The following SMTNL2 variants were observed in gnomAD, a reference collection of about 807,000 sequenced individuals.
The protein encoded by SMTNL2 is smoothelin like 2, also known as smoothelin-like protein 2.
SMTNL2 carries 43 observed loss-of-function variants against 44.1 expected under a neutral mutation model. The ratio of observed to expected loss-of-function variants is 0.98; its 90% confidence interval spans 0.76 to 1.26. The LOEUF (loss-of-function observed/expected upper bound fraction) is 1.26. Among genes scored for constraint, SMTNL2 ranks in the 50% most tolerant of loss-of-function variants. The pLI, the probability that SMTNL2 is intolerant of heterozygous loss-of-function variation, is 0.00. For synonymous variants in SMTNL2, 317 were observed against 287.6 expected (o/e 1.10, Z -1.03); for missense variants, 646 against 670.2 (o/e 0.96, Z 0.40).
chr17:4,589,433 C>T (rs1434784809), intron 1 of SMTNL2, among the ~76,000 whole-genome samples: 1 of 152,124 alleles, frequency 6.6e-6, no homozygotes, highest in African/African-American at 2.4e-5. Context: ...CTCCCCCTGC[C>T]GACATGGTCT....
chr17:4,594,501 T>C (rs1909723132), intron 4 of SMTNL2, among the ~76,000 whole-genome samples: 2 of 151,550 alleles, frequency 1.3e-5, no homozygotes, highest in African/African-American at 4.9e-5. Flanking sequence ...CAAAAAAATA[T>C]TGGAGGAGGC....
At position 4,596,856 on chromosome 17, in the gene SMTNL2, G is replaced by C; in HGVS notation, c.990-4G>C. On this transcript the variant is annotated splice_polypyrimidine_tract_variant and splice_region_variant and intron_variant, in intron 5 of 7. Transcript: ENST00000389313. Reference sequence around the variant, plus strand: ...CCCGCAGCAGGCCTGCCGTCTCTCCGCAGGGGGAAAGGCGAGGCCCGGGCC... The same window carrying C: ...CCCGCAGCAGGCCTGCCGTCTCTCCCCAGGGGGAAAGGCGAGGCCCGGGCC... 6.9e-7 allele frequency: 1 copy of C among 1,457,058 alleles called. No individual in the cohort carries two copies. Among genetic ancestry groups the C allele is most frequent in the South Asian group, 1.4e-5 (1 of 73,136 alleles). 90.3% of individuals were successfully genotyped at this position (1,457,058 alleles called of 1,614,324 possible).
At chr17:4,597,679 T>C (rs1225246340) in intron 7 of SMTNL2, among the ~76,000 whole-genome samples, 1 of 152,220 alleles carries the variant, frequency 6.6e-6, no homozygotes, top group Non-Finnish European at 1.5e-5. Flanking sequence ...CTCTCTGGAC[T>C]GATGGAGAGA....
chr17:4,604,121 A>G (rs1838362905), intron 7 of SMTNL2, among the ~76,000 whole-genome samples: 1 of 152,206 alleles, frequency 6.6e-6, no homozygotes, highest in African/African-American at 2.4e-5. Context: ...TTGGGATGAC[A>G]GGCATGAGCC....
Position 4,607,395 on chromosome 17 carries a change from G to A in SMTNL2, c.1294G>A (p.Glu432Lys), listed in dbSNP as rs748514134. 1.2e-6 allele frequency: 2 copies of A among 1,614,184 alleles called. No homozygotes were observed. Among genetic ancestry groups the A allele is most frequent in the Non-Finnish European group, 8.5e-7 (1 of 1,180,030 alleles). Residue 432 changes from glutamate to lysine, a missense_variant, in exon 8 of 8, where the codon GAG becomes AAG. Glu to Lys is a moderately conservative substitution (Grantham distance 56, BLOSUM62 1). Coordinates refer to ENST00000389313, the MANE Select transcript of SMTNL2 (RefSeq NM_001114974.2). This position sits in a 1 kb window ranked among gnomAD's most constrained non-coding sequence, Gnocchi z 4.7. The stretch of plus-strand genomic sequence containing the variant: ...CAACTGTGAGCGCCTCATCGAAGTG[G>A]AGGACATGATGGTGATGGGCCGCAA... The part of the protein sequence containing the change: ...LANCERLIEV[E>K]DMMVMGRKPD...
Position 4,596,919 on chromosome 17 carries a change from C to T in SMTNL2, c.1049C>T (p.Ala350Val). The change falls in exon 6 of 8, where the codon GCC (alanine) becomes GTC (valine). Residue 350 changes from alanine (A) to valine (V), a missense_variant. Coordinates refer to ENST00000389313, the MANE Select transcript of SMTNL2 (RefSeq NM_001114974.2). ...KRSQSFGVAS[A>V]SSIKQILLEW... Reference sequence around the variant, plus strand: ...TCGCAGAGCTTCGGCGTGGCCAGCGCCAGCAGCATCAAGCAGATCCTGCTC... The same window carrying T: ...TCGCAGAGCTTCGGCGTGGCCAGCGTCAGCAGCATCAAGCAGATCCTGCTC... 6.6e-7 allele frequency: 1 copy of T among 1,525,844 alleles called. No homozygotes were observed. Among genetic ancestry groups the T allele is most frequent in the Non-Finnish European group, 8.8e-7 (1 of 1,130,842 alleles). 94.5% of individuals were successfully genotyped at this position (1,525,844 alleles called of 1,614,324 possible).
intron 7 of SMTNL2, among the ~76,000 whole-genome samples, chr17:4,599,820 T>A (rs1909954421): frequency 6.6e-6 from 1 of 152,110 alleles, no homozygotes; most frequent in South Asian, 2.1e-4. Context: ...CCCAGCTTGG[T>A]GGGGTGATGG....
rs1442886976 is a variant in SMTNL2, at chr17:4,597,275, G to T, written c.1211G>T (p.Ser404Ile). Reference protein sequence around the residue: ...FPDAFDYNSLSPTQRQKNFEL... With the variant: ...FPDAFDYNSLIPTQRQKNFEL... The stretch of plus-strand genomic sequence containing the variant: ...GATGCCTTTGACTACAACTCCCTGA[G>T]CCCCACGCAGAGGCAGAAGAACTTC... The change falls in exon 7 of 8, where the codon AGC becomes ATC. Residue 404 changes from serine (S) to isoleucine (I), a missense_variant. Coordinates refer to ENST00000389313, the MANE Select transcript of SMTNL2 (RefSeq NM_001114974.2). The T allele has an allele frequency of 1.2e-6, 2 of 1,614,024 alleles. No individual in the cohort carries two copies. The highest frequency in any genetic ancestry group is 1.7e-6 in the Non-Finnish European group (2 of 1,180,012).
rs146654961 is a variant in SMTNL2 at position 4,598,150 on chromosome 17, G to A, written c.1259+827G>A. ...CGGAGGACTGTCTGATAAGAGCTGCGCTTTGGGCAAATGGTTGCAGTCAGC... is the reference window on the plus strand; with the variant it reads ...CGGAGGACTGTCTGATAAGAGCTGCACTTTGGGCAAATGGTTGCAGTCAGC... On this transcript the variant is annotated intron_variant, in intron 7 of 7. Coordinates refer to ENST00000389313, the MANE Select transcript of SMTNL2 (RefSeq NM_001114974.2). The surrounding 1 kb of genome is among the most constrained non-coding windows in gnomAD (Gnocchi z 4.8). 6.6e-5 allele frequency among the ~76,000 whole-genome samples: 10 copies of A among 152,332 alleles called. No homozygotes were observed. The highest frequency in any genetic ancestry group is 2.1e-4 in the South Asian group (1 of 4,830).
rs1222851375 is a variant in SMTNL2, at chr17:4,584,986, G to T, written c.381G>T (p.Ser127=). The T allele has an allele frequency of 5.1e-6, 7 of 1,373,194 alleles. No individual in the cohort carries two copies. In the Admixed American group the frequency reaches 1.3e-4, roughly 25 times the overall value. 85.1% of individuals were successfully genotyped at this position (1,373,194 alleles called of 1,614,324 possible). The change falls in exon 1 of 8, where the codon TCG becomes TCT. Residue 127 remains serine (S), a synonymous_variant. Coordinates refer to ENST00000389313, the MANE Select transcript of SMTNL2 (RefSeq NM_001114974.2). ...GCTTCGCCAGCCACGCCACCTTCTC[G>T]CTGTCCGGCCGCGGCCAGGTGAGCC... The part of the protein sequence containing the change: ...SARFASHATF[S]LSGRGQSLDH...
intron 4 of SMTNL2, 108 bp downstream of exon 4, chr17:4,594,005 G>A (rs1909696156): frequency 1.7e-6 from 2 of 1,171,420 alleles, no homozygotes; most frequent in Admixed American, 3.8e-5. Flanking sequence ...TCCTGGTAAG[G>A]CTCGGGGCTG....
chr17:4,585,911 C>CT (rs1452518592), intron 1 of SMTNL2, among the ~76,000 whole-genome samples: 1 of 152,176 alleles, frequency 6.6e-6, no homozygotes, highest in Non-Finnish European at 1.5e-5. Context: ...CAGATTGGGC[C>CT]TTCCCCCTGG....
At chr17:4,588,170 G>C (rs1247324535) in intron 1 of SMTNL2, among the ~76,000 whole-genome samples, 1 of 152,228 alleles carries the variant, frequency 6.6e-6, no homozygotes, top group Non-Finnish European at 1.5e-5. Flanking sequence ...TCAGCAGTGT[G>C]AACTGTCTTA....
chr17:4,607,743 T>G lies in SMTNL2; in HGVS notation c.*256T>G. The stretch of plus-strand genomic sequence containing the variant: ...AAAAATTATGAGAGAGAGAGAGACA[T>G]TGGTGCTAAGTAATGATCTTCCTAA... On this transcript the variant is annotated 3_prime_UTR_variant, in exon 8 of 8. Transcript: ENST00000389313. The surrounding 1 kb of genome is among the most constrained non-coding windows in gnomAD (Gnocchi z 4.7). 2 of 407,192 alleles carry G rather than the reference T, an allele frequency of 4.9e-6. No homozygotes were observed. Among genetic ancestry groups the G allele is most frequent in the Non-Finnish European group, 8.7e-6 (2 of 228,956 alleles). 25.2% of individuals were successfully genotyped at this position (407,192 alleles called of 1,614,324 possible). A position where few individuals can be genotyped will look rare whatever the true frequency, so the allele number is the denominator to read the frequency against.
intron 7 of SMTNL2, among the ~76,000 whole-genome samples, chr17:4,599,908 C>T (rs1227998901): frequency 6.6e-5 from 10 of 152,192 alleles, no homozygotes; most frequent in Non-Finnish European, 8.8e-5. Flanking sequence ...ACGTGGGCCC[C>T]GCCTCCCGGT....
intron 1 of SMTNL2, among the ~76,000 whole-genome samples, chr17:4,586,470 A>G (rs1056005011): frequency 6.6e-6 from 1 of 151,350 alleles, no homozygotes; most frequent in African/African-American, 2.4e-5. Flanking sequence ...AAAAAAAAAA[A>G]TGTCAGGTTC....
chr17:4,585,783 G>T (rs1909323684), intron 1 of SMTNL2, among the ~76,000 whole-genome samples: 1 of 152,212 alleles, frequency 6.6e-6, no homozygotes, highest in African/African-American at 2.4e-5. Flanking sequence ...CTCGGGTTGG[G>T]TTCCCAGGAT....
At chr17:4,604,029 G>C (rs1162724392) in intron 7 of SMTNL2, among the ~76,000 whole-genome samples, 3 of 152,082 alleles carry the variant, frequency 2.0e-5, no homozygotes, top group African/African-American at 7.2e-5. Context: ...ATTTTTAGTA[G>C]AGACGGGGTT....
Position 4,584,739 on chromosome 17 carries a change from G to T in SMTNL2, c.134G>T (p.Arg45Leu), listed in dbSNP as rs922765114. The T allele has an allele frequency of 7.6e-7, 1 of 1,308,008 alleles. No individual in the cohort carries two copies. Among genetic ancestry groups the T allele is most frequent in the Non-Finnish European group, 9.7e-7 (1 of 1,032,224 alleles). The allele number at this position is 1,308,008 out of a possible 1,614,324, so 81.0% of individuals were successfully genotyped here. The part of the protein sequence containing the change: ...MRGLQRGVER[R>L]VAEAMRLAGP... Reference sequence around the variant, plus strand: ...GGGCTGCAGCGCGGCGTGGAGCGGCGAGTGGCAGAGGCGATGCGCCTGGCC... The same window carrying T: ...GGGCTGCAGCGCGGCGTGGAGCGGCTAGTGGCAGAGGCGATGCGCCTGGCC... The change falls in exon 1 of 8, where the codon CGA becomes CTA. Residue 45 changes from arginine to leucine, a missense_variant. Physicochemically the swap from Arg to Leu is moderately radical, Grantham distance 102 (BLOSUM62 -2). Transcript: ENST00000389313.
Sources: gnomAD v4.1 joint callset for allele counts (sites outside exome capture counted in the v4.1 genomes callset) on GRCh38, gnomAD v4.1.1 for gene constraint, Gnocchi (gnomAD v3.1) non-coding constraint, MANE v1.5 for transcripts, NCBI Gene and HGNC (gene_info 2026-07-23, HGNC 2026-07-21) for gene names.